NEBL: variants seen among roughly 807,000 people sequenced by gnomAD.
The protein encoded by NEBL is LIM and SH3 protein 2.
In NEBL, 122 loss-of-function variants were observed where a neutral mutation model predicts 140.2. That is an observed-to-expected ratio of 0.87 (90% CI 0.75 to 1.01). NEBL has a LOEUF of 1.01. Among genes scored for constraint, NEBL ranks in the 50% least tolerant of loss-of-function variants. The pLI, the probability that NEBL is intolerant of heterozygous loss-of-function variation, is 0.00. For missense variants in NEBL, 1,365 were observed against 1,231.3 expected (o/e 1.11, Z -1.62); for synonymous variants, 436 against 398.9 (o/e 1.09, Z -1.11).
At chr10:21,030,244 C>T (rs1391995677) in intron 2 of NEBL, 1 of 561,242 alleles carries the variant, frequency 1.8e-6, no homozygotes, top group Non-Finnish European at 3.2e-6. Context: ...GTGAAGAAAC[C>T]CAGGAACCGG....
At chr10:21,099,914 C>G (rs1837392038) in intron 2 of NEBL, among the ~76,000 whole-genome samples, 1 of 152,096 alleles carries the variant, frequency 6.6e-6, no homozygotes, top group South Asian at 2.1e-4. Context: ...ACTTATAACT[C>G]AATAAGAAAC....
At chr10:20,914,223 G>C (rs980192281) in intron 4 of NEBL, among the ~76,000 whole-genome samples, 3 of 152,204 alleles carry the variant, frequency 2.0e-5, no homozygotes, top group African/African-American at 4.8e-5. Flanking sequence ...AAGTGCTGGA[G>C]CTAAATGCTG....
At chr10:20,787,166 A>G (rs1282937068) in intron 27 of NEBL, 36 bp downstream of exon 27, 2 of 1,466,690 alleles carry the variant, frequency 1.4e-6, no homozygotes, top group Admixed American at 1.8e-5. Flanking sequence ...AAATGGGAAG[A>G]CCAGCTAAGG....
At chr10:20,833,090 A>G (rs1317968358) in intron 14 of NEBL, among the ~76,000 whole-genome samples, 3 of 152,222 alleles carry the variant, frequency 2.0e-5, no homozygotes, top group Non-Finnish European at 2.9e-5. Flanking sequence ...AATGTGTTCT[A>G]AAGCACATAG....
At chr10:20,813,433 C>CT (rs1360981589) in intron 23 of NEBL, among the ~76,000 whole-genome samples, 1 of 151,868 alleles carries the variant, frequency 6.6e-6, no homozygotes, top group East Asian at 1.9e-4. Flanking sequence ...TCAAAATATA[C>CT]TTTTTTTATG....
chr10:21,047,563 C>T (rs1834577840), intron 2 of NEBL, among the ~76,000 whole-genome samples: 1 of 151,606 alleles, frequency 6.6e-6, no homozygotes, highest in African/African-American at 2.4e-5. Flanking sequence ...TTTTTTAACA[C>T]ACACTCTACT....
At chr10:20,816,750 C>A (rs1838753730) in intron 21 of NEBL, among the ~76,000 whole-genome samples, 2 of 152,120 alleles carry the variant, frequency 1.3e-5, no homozygotes, top group South Asian at 2.1e-4. Flanking sequence ...ATTATTTCAA[C>A]AACAGGGAAT....
At chr10:21,073,779 G>A (rs1422601925) in intron 2 of NEBL, among the ~76,000 whole-genome samples, 1 of 151,560 alleles carries the variant, frequency 6.6e-6, no homozygotes, top group African/African-American at 2.4e-5. Flanking sequence ...TGAATGCTAT[G>A]AAATGCCTAC....
At chr10:21,242,101 C>T (rs185272803) in intron 3 of NEBL, among the ~76,000 whole-genome samples, 3 of 152,178 alleles carry the variant, frequency 2.0e-5, no homozygotes, top group Non-Finnish European at 4.4e-5. Flanking sequence ...ACTTGGGAAG[C>T]TAAGATGGGA....
chr10:21,024,522 AG>A (rs1838942465), intron 2 of NEBL, among the ~76,000 whole-genome samples: 1 of 151,892 alleles, frequency 6.6e-6, no homozygotes, highest in Non-Finnish European at 1.5e-5. Context: ...AAAAAAAAAA[AG>A]AAGGCTTAAC....
At chr10:20,903,956 AT>A (rs1398778943) in intron 4 of NEBL, among the ~76,000 whole-genome samples, 1 of 140,798 alleles carries the variant, frequency 7.1e-6, no homozygotes, top group Non-Finnish European at 1.5e-5. Context: ...AGACATCAAC[AT>A]GATAAAATTC....
intron 26 of NEBL, among the ~76,000 whole-genome samples, chr10:20,796,846 A>G (rs1390656227): frequency 2.6e-5 from 4 of 152,216 alleles, no homozygotes. Context: ...CCCAAATTAT[A>G]GAGTCTTTAA....
intron 2 of NEBL, among the ~76,000 whole-genome samples, chr10:21,064,836 T>C (rs1458705790): frequency 6.6e-6 from 1 of 151,476 alleles, no homozygotes; most frequent in Non-Finnish European, 1.5e-5. Context: ...TGGTGAGAGG[T>C]GCCATAAAGA....
At chr10:21,056,863 G>A (rs765631717) in intron 2 of NEBL, among the ~76,000 whole-genome samples, 9 of 152,182 alleles carry the variant, frequency 5.9e-5, no homozygotes, top group Non-Finnish European at 8.8e-5. Context: ...CCAGGAGGGA[G>A]GAGGTGTGGT....
At chr10:21,167,206 C>T (rs922868408) in intron 2 of NEBL, among the ~76,000 whole-genome samples, 11 of 152,212 alleles carry the variant, frequency 7.2e-5, no homozygotes, top group African/African-American at 2.7e-4. Flanking sequence ...GTAAACACAA[C>T]ACTCAGCGCC....
In NEBL at chr10:21,172,048, A is replaced by G. The variant is rs1201103055; in HGVS notation, c.164+335T>C. 1.5e-5 allele frequency: 5 copies of G among 325,636 alleles called. 1 individual carries two copies. Among genetic ancestry groups the G allele is most frequent in the Non-Finnish European group, 2.3e-5 (4 of 171,126 alleles). The allele number at this position is 325,636 out of a possible 1,614,324, so 20.2% of individuals were successfully genotyped here. On this transcript the variant is annotated intron_variant, in intron 2 of 6. Coordinates refer to the NEBL transcript ENST00000417816. Reference sequence around the variant, plus strand: ...TTAAAATGGAAATTGACACAGGATTAAAATGGAAATCTACCTGACATGCAC... The same window carrying G: ...TTAAAATGGAAATTGACACAGGATTGAAATGGAAATCTACCTGACATGCAC...
At chr10:20,864,851 TATTTA>T (rs1174515682) in intron 7 of NEBL, among the ~76,000 whole-genome samples, 1 of 152,232 alleles carries the variant, frequency 6.6e-6, no homozygotes, top group African/African-American at 2.4e-5. Flanking sequence ...GAATTCCTAT[TATTTA>T]TTTTCCCAGC....
chr10:20,836,467 C>T (rs972883268), intron 13 of NEBL, among the ~76,000 whole-genome samples: 12 of 152,126 alleles, frequency 7.9e-5, no homozygotes, highest in Non-Finnish European at 1.6e-4. Context: ...AGGTGATCCA[C>T]CCACCTCGGC....
At chr10:21,271,781 C>T (rs1430233494) in intron 1 of NEBL, among the ~76,000 whole-genome samples, 1 of 152,092 alleles carries the variant, frequency 6.6e-6, no homozygotes, top group Non-Finnish European at 1.5e-5. Context: ...CCGCGTCAGC[C>T]TCCCAAAGTG....
Sources: allele counts gnomAD v4.1 joint callset (sites outside exome capture counted in the v4.1 genomes callset), GRCh38; gene constraint gnomAD v4.1.1; transcripts MANE v1.5; gene names NCBI Gene and HGNC (gene_info 2026-07-23, HGNC 2026-07-21).